Variants in C1QTNF1 observed in about 807,000 individuals in gnomAD.
C1QTNF1 encodes the protein complement C1q tumor necrosis factor-related protein 1.
In C1QTNF1, 22 loss-of-function variants were observed where a neutral mutation model predicts 27.8. The observed-to-expected ratio is 0.79, with a 90% CI of 0.56 to 1.13. The LOEUF (loss-of-function observed/expected upper bound fraction) is 1.13. Among genes scored for constraint, C1QTNF1 ranks in the 50% most tolerant of loss-of-function variants. The pLI, the probability that C1QTNF1 is intolerant of heterozygous loss-of-function variation, is 0.00. For missense variants in C1QTNF1, 373 were observed against 380.2 expected (o/e 0.98, Z 0.16); for synonymous variants, 166 against 154.3 (o/e 1.08, Z -0.56).
At chr17:79,047,312 C>T (rs2072609771) in intron 3 of C1QTNF1, 2 of 410,992 alleles carry the variant, frequency 4.9e-6, no homozygotes, top group African/African-American at 2.1e-5. Flanking sequence ...TAGAACCATC[C>T]TTGAGGTTGA....
intron 1 of C1QTNF1, among the ~76,000 whole-genome samples, chr17:79,028,934 G>A (rs1017933352): frequency 6.6e-6 from 1 of 151,906 alleles, no homozygotes; most frequent in Non-Finnish European, 1.5e-5. Context: ...GGGTGTTCCT[G>A]GTGATCCTGT....
chr17:79,023,720 AC>A (rs1444709679), upstream of C1QTNF1, among the ~76,000 whole-genome samples: 217 of 152,180 alleles, frequency 1.4e-3, no homozygotes, highest in Non-Finnish European at 1.9e-3. Context: ...ACACACACAC[AC>A]ACACACACAC....
intron 1 of C1QTNF1, among the ~76,000 whole-genome samples, chr17:79,040,539 G>A (rs935814263): frequency 6.6e-6 from 1 of 152,024 alleles, no homozygotes; most frequent in Non-Finnish European, 1.5e-5. Context: ...GACAAGGCGG[G>A]CAGGATTTTA....
At chr17:79,030,994 ATTTCT>A (rs567269202) in intron 1 of C1QTNF1, among the ~76,000 whole-genome samples, 1 of 137,474 alleles carries the variant, frequency 7.3e-6, no homozygotes, top group Non-Finnish European at 1.6e-5. Context: ...CCTCCATATT[ATTTCT>A]TTTCTTTTCT....
intron 1 of C1QTNF1, among the ~76,000 whole-genome samples, chr17:79,038,114 C>T (rs530815590): frequency 6.6e-6 from 1 of 151,890 alleles, no homozygotes; most frequent in East Asian, 1.9e-4. Flanking sequence ...CTCAGCCTCC[C>T]GAGTAGCTGG....
chr17:79,033,900 A>AGAAGGGT (rs1456451472), intron 1 of C1QTNF1, among the ~76,000 whole-genome samples: 1 of 152,166 alleles, frequency 6.6e-6, no homozygotes, highest in Non-Finnish European at 1.5e-5. Flanking sequence ...AGAGGAATGC[A>AGAAGGGT]GAAGGGTGTT....
At chr17:79,035,632 T>A in intron 1 of C1QTNF1, among the ~76,000 whole-genome samples, 1 of 152,164 alleles carries the variant, frequency 6.6e-6, no homozygotes, top group Non-Finnish European at 1.5e-5. Flanking sequence ...GGTTTTACCA[T>A]GTTGGCCAGG....
At chr17:79,038,375 C>G (rs1476573051) in intron 1 of C1QTNF1, among the ~76,000 whole-genome samples, 1 of 152,142 alleles carries the variant, frequency 6.6e-6, no homozygotes, top group African/African-American at 2.4e-5. Context: ...TCTTTTCTGG[C>G]CTCCCTCCTC....
At chr17:79,035,956 A>T (rs2072256361) in intron 1 of C1QTNF1, among the ~76,000 whole-genome samples, 1 of 152,156 alleles carries the variant, frequency 6.6e-6, no homozygotes, top group African/African-American at 2.4e-5. Flanking sequence ...GACCTTTAGG[A>T]TCTATTCAAG....
chr17:79,030,838 C>T (rs1599283540), intron 1 of C1QTNF1, among the ~76,000 whole-genome samples: 1 of 151,600 alleles, frequency 6.6e-6, no homozygotes, highest in South Asian at 2.1e-4. Flanking sequence ...TGACCTCAAG[C>T]GATCCGCCTG....
In C1QTNF1 at chr17:79,043,441, C is replaced by T. The variant is rs1024139532; in HGVS notation, c.-14-514C>T. ...TGTGTGTTGACTGTGTGCATGTGAG[C>T]GTGTGGATTCCATGTGTGTTAAGAG... is the stretch of plus-strand genomic sequence containing the variant. On this transcript the variant is annotated intron_variant, in intron 1 of 3. Transcript: ENST00000579760. The T allele has an allele frequency of 7.6e-5, 34 of 450,092 alleles. 1 individual carries two copies. The highest frequency in any genetic ancestry group is 7.0e-4 in the Middle Eastern group (1 of 1,426). 27.9% of individuals were successfully genotyped at this position (450,092 alleles called of 1,614,324 possible). A position where few individuals can be genotyped will look rare whatever the true frequency, so the allele number is the denominator to read the frequency against.
intron 1 of C1QTNF1, chr17:79,043,358 G>C: frequency 2.2e-6 from 1 of 453,800 alleles, no homozygotes; most frequent in Non-Finnish European, 4.4e-6. Flanking sequence ...GATTGCATGT[G>C]TGAGTGCATG....
At chr17:79,036,701 C>T (rs982742799) in intron 1 of C1QTNF1, among the ~76,000 whole-genome samples, 11 of 152,172 alleles carry the variant, frequency 7.2e-5, no homozygotes, top group Non-Finnish European at 1.3e-4. Flanking sequence ...CTTCACTAGC[C>T]TGTTATATTC....
intron 1 of C1QTNF1, among the ~76,000 whole-genome samples, chr17:79,029,683 C>T (rs549895735): frequency 5.7e-4 from 87 of 152,324 alleles, no homozygotes; most frequent in African/African-American, 2.0e-3. Flanking sequence ...TGCAGGCCAC[C>T]GGCCCTACTC....
At chr17:79,038,634 A>G (rs1435969928) in intron 1 of C1QTNF1, among the ~76,000 whole-genome samples, 2 of 152,144 alleles carry the variant, frequency 1.3e-5, no homozygotes, top group Non-Finnish European at 2.9e-5. Flanking sequence ...GGCCACGTGG[A>G]TCTGGATTCA....
chr17:79,041,469 T>A (rs1011194980), intron 1 of C1QTNF1, among the ~76,000 whole-genome samples: 1 of 152,098 alleles, frequency 6.6e-6, no homozygotes, highest in African/African-American at 2.4e-5. Context: ...CGGGGAGCCC[T>A]TCAGACTTCA....
intron 2 of C1QTNF1, 86 bp downstream of exon 2, chr17:79,044,209 C>G (rs2072506794): frequency 7.1e-7 from 1 of 1,399,122 alleles, no homozygotes; most frequent in Non-Finnish European, 9.4e-7. Flanking sequence ...GGAGCTAGTT[C>G]ACTGTGAGAT....
At chr17:79,027,184 C>T (rs946242866) in intron 1 of C1QTNF1, among the ~76,000 whole-genome samples, 5 of 152,194 alleles carry the variant, frequency 3.3e-5, no homozygotes, top group South Asian at 2.1e-4. Flanking sequence ...ATCCCCTGGA[C>T]GATCCCACCT....
chr17:79,030,024 G>A (rs186433502), intron 1 of C1QTNF1, among the ~76,000 whole-genome samples: 7 of 152,072 alleles, frequency 4.6e-5, no homozygotes, highest in African/African-American at 9.7e-5. Context: ...CCGTGGTTCC[G>A]CTTGAGCCTC....
Sources: gnomAD v4.1 joint callset for allele counts (sites outside exome capture counted in the v4.1 genomes callset) on GRCh38, gnomAD v4.1.1 for gene constraint, MANE v1.5 for transcripts, NCBI Gene and HGNC (gene_info 2026-07-23, HGNC 2026-07-21) for gene names.